DCLK3: variants seen among roughly 807,000 people sequenced by gnomAD.
The protein encoded by DCLK3 is doublecortin like kinase 3, also known as serine/threonine-protein kinase DCLK3.
DCLK3 carries 30 observed loss-of-function variants against 46.4 expected under a neutral mutation model. That is an observed-to-expected ratio of 0.65 (90% CI 0.48 to 0.88). The LOEUF is 0.88. Among genes scored for constraint, DCLK3 ranks in the 40% least tolerant of loss-of-function variants. The pLI, the probability that DCLK3 is intolerant of heterozygous loss-of-function variation, is 0.00. For synonymous variants in DCLK3, 401 were observed against 339.2 expected, an observed-to-expected ratio of 1.18 and a Z score of -2.00; for missense variants, 846 against 907.1, an observed-to-expected ratio of 0.93 and a Z score of 0.87.
Position 36,738,062 on chromosome 3 carries a change from C to T in DCLK3, c.1105G>A (p.Gly369Ser), listed in dbSNP as rs199655268. ...NPASGEEGWK[G>S]DSHRSSPRNP... ...CTGGGGCTGCTCCTGTGGCTGTCACCCTTCCACCCTTCCTCCCCACTTGCA... is the reference window on the plus strand; with the variant it reads ...CTGGGGCTGCTCCTGTGGCTGTCACTCTTCCACCCTTCCTCCCCACTTGCA... The change falls in exon 2 of 5, where the codon GGT (glycine) becomes AGT (serine). Residue 369 changes from glycine (G) to serine (S), a missense_variant. Physicochemically the swap from Gly to Ser is moderately conservative, Grantham distance 56. Transcript: ENST00000636136. The T allele has an allele frequency of 5.0e-6, 8 of 1,613,676 alleles. No homozygotes were observed. Among genetic ancestry groups the T allele is most frequent in the Non-Finnish European group, 6.8e-6 (8 of 1,179,826 alleles).
At position 36,737,444 on chromosome 3, in the gene DCLK3, T is replaced by C; in HGVS notation, c.1723A>G (p.Ile575Val). The stretch of plus-strand genomic sequence containing the variant: ...ATGTTGGGGTGAGAGAGGCTCTGGA[T>C]GATCAAGATCTCACTGTCCACCATG... Reference protein sequence around the residue: ...EDMVDSEILIIQSLSHPNIVK... With the variant: ...EDMVDSEILIVQSLSHPNIVK... The change falls in exon 2 of 5, where the codon ATC (isoleucine) becomes GTC (valine). Residue 575 changes from isoleucine to valine, a missense_variant. Ile to Val is a conservative substitution (Grantham distance 29). Transcript: ENST00000636136. The surrounding 1 kb of genome is among the most constrained non-coding windows in gnomAD (Gnocchi z 4.4). 1 of 1,614,244 alleles carries C rather than the reference T, an allele frequency of 6.2e-7. No homozygotes were observed. Among genetic ancestry groups the C allele is most frequent in the Non-Finnish European group, 8.5e-7 (1 of 1,180,046 alleles).
At chr3:36,746,452 T>C (rs1400839932) in intron 1 of DCLK3, among the ~76,000 whole-genome samples, 1 of 152,218 alleles carries the variant, frequency 6.6e-6, no homozygotes, top group South Asian at 2.1e-4. Context: ...TTAAAGCTTA[T>C]CCCTGACCAC....
At position 36,721,553 on chromosome 3, in the gene DCLK3, A is replaced by G; in HGVS notation, c.2066T>C (p.Val689Ala). 6.2e-7 allele frequency: 1 copy of G among 1,614,188 alleles called. No individual in the cohort carries two copies. The highest frequency in any genetic ancestry group is 1.1e-5 in the South Asian group (1 of 91,074). The change falls in exon 3 of 5, where the codon GTA becomes GCA. Residue 689 changes from valine (V) to alanine (A), a missense_variant. By Grantham distance (64) the Val-to-Ala change is moderately conservative. Coordinates refer to ENST00000636136, the MANE Select transcript of DCLK3 (RefSeq NM_001394672.2). ...IFTVCGTPTY[V>A]APEILSEKGY... ...TTTCTCAGAAAGAATTTCGGGAGCT[A>G]CGTAAGTTGGGGTCCCACACACAGT...
At position 36,760,242 on chromosome 3, in the gene DCLK3, G is replaced by C. The variant is rs558043635; in HGVS notation, c.82+3940C>G. ...CACAGTGCTCTTCAGGTCCCACAAA[G>C]GACTCAGGCTTTACCCAAGAGGGAG... On this transcript the variant is annotated intron_variant, in intron 1 of 4. Coordinates refer to ENST00000636136, the MANE Select transcript of DCLK3 (RefSeq NM_001394672.2). 5.3e-5 allele frequency among the ~76,000 whole-genome samples: 8 copies of C among 152,280 alleles called. No homozygotes were observed. The East Asian group carries it at 1.3e-3, about 26-fold the overall frequency.
At chr3:36,747,674 T>A (rs960308433) in intron 1 of DCLK3, among the ~76,000 whole-genome samples, 1 of 152,080 alleles carries the variant, frequency 6.6e-6, no homozygotes, top group Admixed American at 6.5e-5. Flanking sequence ...CGCTTTTACA[T>A]AAATAGGGGG....
intron 2 of DCLK3, among the ~76,000 whole-genome samples, chr3:36,723,879 G>A (rs1701093333): frequency 6.6e-6 from 1 of 152,200 alleles, no homozygotes; most frequent in Admixed American, 6.5e-5. Context: ...TCCCTACTGG[G>A]GCACTGCCTA....
intron 1 of DCLK3, among the ~76,000 whole-genome samples, chr3:36,751,703 T>C (rs1464668126): frequency 6.6e-6 from 1 of 152,268 alleles, no homozygotes; most frequent in African/African-American, 2.4e-5. Flanking sequence ...TGTTATATCA[T>C]GGCATTTGCC....
At chr3:36,747,923 G>A (rs1031331234) in intron 1 of DCLK3, among the ~76,000 whole-genome samples, 1 of 152,168 alleles carries the variant, frequency 6.6e-6, no homozygotes, top group Non-Finnish European at 1.5e-5. Flanking sequence ...TGTGATGCAC[G>A]TTTGCTTGAA....
At chr3:36,720,972 T>C (rs1410472005) in intron 3 of DCLK3, among the ~76,000 whole-genome samples, 2 of 152,222 alleles carry the variant, frequency 1.3e-5, no homozygotes. Context: ...GTCATTCATA[T>C]ATTTAGAGCC....
At chr3:36,740,892 A>T (rs902613035) in intron 1 of DCLK3, among the ~76,000 whole-genome samples, 6 of 152,060 alleles carry the variant, frequency 3.9e-5, no homozygotes, top group African/African-American at 1.4e-4. Context: ...CCAGGATGAG[A>T]TTTTGGCCCA....
rs375079993 is a variant in DCLK3, at chr3:36,722,673, G to A, written c.1960-1014C>T. Among the ~76,000 whole-genome samples the A allele has an allele frequency of 5.9e-5, 9 of 152,268 alleles. No homozygotes were observed. In the East Asian group the frequency reaches 1.5e-3, roughly 26 times the overall value. ...ATAGTGAATCAATCTCATGAGATCT[G>A]ACAGTTTTAAAAATGGGAGTTTGCC... On this transcript the variant is annotated intron_variant, in intron 2 of 4. Coordinates refer to ENST00000636136, the MANE Select transcript of DCLK3 (RefSeq NM_001394672.2).
intron 2 of DCLK3, among the ~76,000 whole-genome samples, chr3:36,731,393 C>T (rs937848622): frequency 3.3e-5 from 5 of 151,962 alleles, no homozygotes; most frequent in Admixed American, 6.6e-5. Context: ...AAAGACAACC[C>T]TTATTTTCTC....
chr3:36,750,676 A>G (rs973287590), intron 1 of DCLK3, among the ~76,000 whole-genome samples: 1 of 152,228 alleles, frequency 6.6e-6, no homozygotes, highest in Admixed American at 6.5e-5. Flanking sequence ...TTAGAACTGC[A>G]AGGATAGTAG....
chr3:36,746,090 A>T (rs1472353326), intron 1 of DCLK3, among the ~76,000 whole-genome samples: 1 of 152,202 alleles, frequency 6.6e-6, no homozygotes, highest in Non-Finnish European at 1.5e-5. Flanking sequence ...CCAACATGAC[A>T]TTGACTGAGA....
chr3:36,755,268 G>C (rs1701475731), intron 1 of DCLK3, among the ~76,000 whole-genome samples: 1 of 152,080 alleles, frequency 6.6e-6, no homozygotes, highest in Non-Finnish European at 1.5e-5. Flanking sequence ...AATTTTTGAG[G>C]GAGGACAGGA....
intron 1 of DCLK3, among the ~76,000 whole-genome samples, chr3:36,744,181 C>G (rs1350219535): frequency 6.6e-6 from 1 of 152,246 alleles, no homozygotes; most frequent in African/African-American, 2.4e-5. Context: ...AGAGCAAGCA[C>G]ACAAGATTTG....
At chr3:36,740,645 G>A (rs1237572744) in intron 1 of DCLK3, among the ~76,000 whole-genome samples, 1 of 152,166 alleles carries the variant, frequency 6.6e-6, no homozygotes, top group East Asian at 1.9e-4. Context: ...AGGTGAGGCA[G>A]GAGTGGTTTA....
intron 2 of DCLK3, among the ~76,000 whole-genome samples, chr3:36,728,017 G>C (rs770582135): frequency 6.6e-6 from 1 of 152,124 alleles, no homozygotes; most frequent in Non-Finnish European, 1.5e-5. Flanking sequence ...AACAAAAAAC[G>C]TGTCTCAAAC....
rs1320763503 is a variant in DCLK3 at position 36,712,679 on chromosome 3, G to A, written c.*2649C>T. 3 of 152,138 alleles carry A rather than the reference G, an allele frequency of 2.0e-5. No individual in the cohort carries two copies. The highest frequency in any genetic ancestry group is 7.2e-5 in the African/African-American group (3 of 41,420). The allele number at this position is 152,138 out of a possible 1,614,324, so 9.4% of individuals were successfully genotyped here. The stretch of plus-strand genomic sequence containing the variant: ...AGATTCACTTGTATTTTCTGGAATA[G>A]TATGTAAATGAAATAATCAAAATGT... On this transcript the variant is annotated 3_prime_UTR_variant, in exon 5 of 5. Coordinates refer to ENST00000636136, the MANE Select transcript of DCLK3 (RefSeq NM_001394672.2).
Sources: gnomAD v4.1 joint callset for allele counts (sites outside exome capture counted in the v4.1 genomes callset) on GRCh38, gnomAD v4.1.1 for gene constraint, Gnocchi (gnomAD v3.1) non-coding constraint, MANE v1.5 for transcripts, NCBI Gene and HGNC (gene_info 2026-07-23, HGNC 2026-07-21) for gene names.